The following DACH1 variants were observed in gnomAD, a reference collection of about 807,000 sequenced individuals.
DACH1 encodes the protein dachshund family transcription factor 1.
A neutral mutation model predicts 54.2 loss-of-function variants in DACH1; 12 were observed. The ratio of observed to expected loss-of-function variants is 0.22; its 90% CI spans 0.14 to 0.36. The LOEUF is 0.36. Among genes scored for constraint, DACH1 ranks in the 10% least tolerant of loss-of-function variants. The pLI, the probability that DACH1 is intolerant of heterozygous loss-of-function variation, is 1.00. For synonymous variants in DACH1, 386 were observed against 366.2 expected (o/e 1.05, Z -0.62); for missense variants, 805 against 929.8 (o/e 0.87, Z 1.75).
chr13:71,727,278 G>T (rs1017625774), intron 1 of DACH1, among the ~76,000 whole-genome samples: 2 of 152,030 alleles, frequency 1.3e-5, no homozygotes, highest in African/African-American at 4.8e-5. Flanking sequence ...TTCCCTTGGA[G>T]CTGCCTGCTA....
chr13:71,537,693 G>A (rs992100518), intron 6 of DACH1, among the ~76,000 whole-genome samples: 1 of 152,002 alleles, frequency 6.6e-6, no homozygotes, highest in African/African-American at 2.4e-5. Context: ...AAATATTGTA[G>A]TTTTTAGATT....
chr13:71,586,806 C>A (rs1873313563), intron 3 of DACH1, among the ~76,000 whole-genome samples: 1 of 152,006 alleles, frequency 6.6e-6, no homozygotes, highest in Non-Finnish European at 1.5e-5. Context: ...TCATCAAAGC[C>A]ATCAAATCAT....
chr13:71,810,550 C>A (rs1055255593), intron 1 of DACH1, among the ~76,000 whole-genome samples: 1 of 151,838 alleles, frequency 6.6e-6, no homozygotes, highest in African/African-American at 2.4e-5. Context: ...AAAATAATTG[C>A]CAAGATATAC....
At chr13:71,622,667 T>C (rs998859610) in intron 3 of DACH1, among the ~76,000 whole-genome samples, 1 of 151,842 alleles carries the variant, frequency 6.6e-6, no homozygotes, top group South Asian at 2.1e-4. Flanking sequence ...GATGAAAACA[T>C]ATTCATCCTC....
intron 1 of DACH1, among the ~76,000 whole-genome samples, chr13:71,802,790 C>T (rs1418414586): frequency 6.6e-6 from 1 of 151,984 alleles, no homozygotes; most frequent in East Asian, 1.9e-4. Flanking sequence ...TGCAAAACGA[C>T]TGTAGTGATT....
chr13:71,556,729 A>C lies in DACH1; in HGVS notation c.1570+295T>G, dbSNP rs537262359. ...ACAGTGACCCTGAAGGTATTGAAAA[A>C]GTCAAATAGCAGACCCTTTAGGAAC... is the stretch of plus-strand genomic sequence containing the variant. On this transcript the variant is annotated intron_variant, in intron 6 of 10. Transcript: ENST00000613252. Among the ~76,000 whole-genome samples the C allele has an allele frequency of 2.9e-4, 44 of 152,266 alleles. 3 individuals are homozygous for C. In the South Asian group the frequency reaches 8.7e-3, roughly 30 times the overall value.
At chr13:71,559,367 A>C (rs557241758) in intron 5 of DACH1, among the ~76,000 whole-genome samples, 1 of 152,202 alleles carries the variant, frequency 6.6e-6, no homozygotes, top group Non-Finnish European at 1.5e-5. Context: ...TTTTAAGTTT[A>C]GTATTTTGAA....
intron 10 of DACH1, among the ~76,000 whole-genome samples, chr13:71,446,327 CCAAT>C (rs892089805): frequency 3.7e-4 from 56 of 152,150 alleles, no homozygotes; most frequent in Non-Finnish European, 6.3e-4. Context: ...GGCAAGTTTA[CCAAT>C]CAGTTATTCC....
At chr13:71,851,376 A>G (rs773714247) in intron 1 of DACH1, among the ~76,000 whole-genome samples, 3 of 152,208 alleles carry the variant, frequency 2.0e-5, no homozygotes, top group Non-Finnish European at 4.4e-5. Flanking sequence ...ATATTACATT[A>G]TAACTAGTAA....
chr13:71,506,075 GAAAT>G (rs1296631962), intron 6 of DACH1, among the ~76,000 whole-genome samples: 1 of 150,878 alleles, frequency 6.6e-6, no homozygotes, highest in Non-Finnish European at 1.5e-5. Flanking sequence ...CAACTAAAAT[GAAAT>G]AAATAAAAAT....
At chr13:71,572,599 T>C (rs1393222041) in intron 4 of DACH1, among the ~76,000 whole-genome samples, 3 of 152,134 alleles carry the variant, frequency 2.0e-5, no homozygotes, top group Non-Finnish European at 4.4e-5. Flanking sequence ...ATTTGAACTA[T>C]AACATTTAAT....
At chr13:71,573,033 T>C in intron 3 of DACH1, 21 bp from the exon 4 acceptor site, 7 of 1,607,786 alleles carry the variant, frequency 4.4e-6, no homozygotes, top group Non-Finnish European at 6.0e-6. Context: ...TGCACATATA[T>C]CATCATTGCT....
At chr13:71,763,487 T>C (rs1186822512) in intron 1 of DACH1, among the ~76,000 whole-genome samples, 1 of 152,170 alleles carries the variant, frequency 6.6e-6, no homozygotes, top group Non-Finnish European at 1.5e-5. Context: ...TCAGCCTGTT[T>C]GGTTGGAATA....
chr13:71,525,405 A>G (rs1259700150), intron 6 of DACH1, among the ~76,000 whole-genome samples: 1 of 152,152 alleles, frequency 6.6e-6, no homozygotes, highest in African/African-American at 2.4e-5. Context: ...CAACTAATGG[A>G]TTAATGAAAA....
rs188008005 is a variant in DACH1 at position 71,844,916 on chromosome 13, C to G, written c.848+21006G>C. The stretch of plus-strand genomic sequence containing the variant: ...TGTGGAAGCTTCAAAAAGTTGATGT[C>G]ACAGAAGTAAAAAGTAGAACAGTGG... On this transcript the variant is annotated intron_variant, in intron 1 of 10. Transcript: ENST00000613252. Among the ~76,000 whole-genome samples, 14 of 152,060 alleles carry G rather than the reference C, an allele frequency of 9.2e-5. No homozygotes were observed. The East Asian group carries it at 2.7e-3, about 29-fold the overall frequency.
intron 6 of DACH1, among the ~76,000 whole-genome samples, chr13:71,537,902 A>C (rs1882909995): frequency 6.6e-6 from 1 of 152,238 alleles, no homozygotes; most frequent in East Asian, 1.9e-4. Context: ...TTTTTTCATA[A>C]GGTTCTTTCT....
intron 1 of DACH1, among the ~76,000 whole-genome samples, chr13:71,706,673 T>C (rs551933607): frequency 6.6e-6 from 1 of 152,184 alleles, no homozygotes; most frequent in Non-Finnish European, 1.5e-5. Context: ...GTGGTAATTT[T>C]TTTCACTACA....
intron 6 of DACH1, among the ~76,000 whole-genome samples, chr13:71,503,182 T>G (rs1263160803): frequency 6.6e-6 from 1 of 152,194 alleles, no homozygotes; most frequent in African/African-American, 2.4e-5. Context: ...CCAGGATCAT[T>G]TCACATGATC....
intron 1 of DACH1, among the ~76,000 whole-genome samples, chr13:71,749,399 T>C (rs1440765900): frequency 6.6e-6 from 1 of 152,086 alleles, no homozygotes; most frequent in African/African-American, 2.4e-5. Flanking sequence ...AATGTATAAT[T>C]TGAGAACACA....
Sources: allele counts gnomAD v4.1 joint callset (sites outside exome capture counted in the v4.1 genomes callset), GRCh38; gene constraint gnomAD v4.1.1; transcripts MANE v1.5; gene names NCBI Gene and HGNC (gene_info 2026-07-23, HGNC 2026-07-21).